The following TRDN variants were observed in gnomAD, a reference collection of about 807,000 sequenced individuals.
TRDN encodes the protein triadin.
A neutral mutation model predicts 149.7 loss-of-function variants in TRDN; 161 were observed. The ratio of observed to expected loss-of-function variants is 1.08; its 90% CI spans 0.95 to 1.23. The LOEUF is 1.23. Among genes scored for constraint, TRDN ranks in the 50% most tolerant of loss-of-function variants. The pLI is 0.00. For synonymous variants in TRDN, 294 were observed against 250.5 expected (o/e 1.17, Z -1.64); for missense variants, 896 against 823.5 (o/e 1.09, Z -1.08).
Position 123,216,585 on chromosome 6 carries a change from C to T in TRDN, c.*2016G>A, listed in dbSNP as rs1471396334. ...AAATAGTCAGAGGAAAAACTAGTGC[C>T]ATACCCAAAAGTATTACTTCAGAAA... is the stretch of plus-strand genomic sequence containing the variant. On this transcript the variant is annotated 3_prime_UTR_variant, in exon 41 of 41. Transcript: ENST00000334268. 1.3e-5 allele frequency: 2 copies of T among 151,668 alleles called. No homozygotes were observed. Among genetic ancestry groups the T allele is most frequent in the East Asian group, 1.9e-4 (1 of 5,160 alleles). The allele number at this position is 151,668 out of a possible 1,614,324, so 9.4% of individuals were successfully genotyped here. A position where few individuals can be genotyped will look rare whatever the true frequency, so the allele number is the denominator to read the frequency against.
At chr6:123,468,797 T>C (rs1776987193) in intron 9 of TRDN, 1 of 152,168 alleles carries the variant, frequency 6.6e-6, no homozygotes, top group Admixed American at 6.6e-5. Flanking sequence ...TACCATCTAA[T>C]AGAGATTTTA....
chr6:123,464,076 T>G (rs1776643024), intron 10 of TRDN, among the ~76,000 whole-genome samples: 1 of 152,196 alleles, frequency 6.6e-6, no homozygotes, highest in Non-Finnish European at 1.5e-5. Context: ...TGTAAAAAAT[T>G]AATGATTTAG....
At chr6:123,516,550 A>G (rs17689295) in intron 5 of TRDN, among the ~76,000 whole-genome samples, 5,714 of 152,204 alleles carry the variant, frequency 0.038, 148 homozygotes, top group Middle Eastern at 0.065. Context: ...TTGATATTGG[A>G]TGAATGCTTG....
At chr6:123,249,286 T>C (rs1255438013) in intron 38 of TRDN, among the ~76,000 whole-genome samples, 4 of 151,914 alleles carry the variant, frequency 2.6e-5, no homozygotes, top group African/African-American at 7.3e-5. Flanking sequence ...AAAAAAAATA[T>C]GTTGACGAGG....
At chr6:123,578,892 G>GT (rs1194233956) in intron 1 of TRDN, among the ~76,000 whole-genome samples, 8 of 151,958 alleles carry the variant, frequency 5.3e-5, no homozygotes, top group African/African-American at 1.2e-4. Context: ...CTCCTAGGTG[G>GT]TTTTTTCGTG....
chr6:123,548,493 C>A lies in TRDN; in HGVS notation c.352G>T (p.Asp118Tyr), dbSNP rs762075230. 2.0e-5 allele frequency: 32 copies of A among 1,576,828 alleles called. No individual in the cohort carries two copies. The highest frequency in any genetic ancestry group is 2.6e-5 in the Non-Finnish European group (30 of 1,161,370). ...TCGTCACCATCATCATCTTCTTCAT[C>A]TTCAGATGAGATGATGTCAGATAAC... The part of the protein sequence containing the change: ...SLLSDIISSE[D>Y]EEDDDGDEDT... The change falls in exon 3 of 41, where the codon GAT becomes TAT. Residue 118 changes from aspartate (D) to tyrosine (Y), a missense_variant. Coordinates refer to ENST00000334268, the MANE Select transcript of TRDN (RefSeq NM_006073.4).
chr6:123,330,092 T>C (rs1779605718), intron 23 of TRDN, among the ~76,000 whole-genome samples: 1 of 151,996 alleles, frequency 6.6e-6, no homozygotes, highest in South Asian at 2.1e-4. Flanking sequence ...AGAAGATTCT[T>C]TGAGAATATA....
Position 123,275,528 on chromosome 6 carries a change from AT to A in TRDN, c.1568-859del, listed in dbSNP as rs367758984. ...ACTTCCAAAATTGTGAGAGAGAAAA[AT>A]TTCTCCAGTTTTAAGCAACACAATT... On this transcript the variant is annotated intron_variant, in intron 26 of 40. Coordinates refer to ENST00000334268, the MANE Select transcript of TRDN (RefSeq NM_006073.4). Among the ~76,000 whole-genome samples the A allele has an allele frequency of 1.4e-4, 21 of 152,202 alleles. 1 individual carries two copies. The highest frequency in any genetic ancestry group is 5.1e-4 in the African/African-American group (21 of 41,536).
At chr6:123,376,655 A>C (rs1781518548) in intron 18 of TRDN, among the ~76,000 whole-genome samples, 1 of 152,174 alleles carries the variant, frequency 6.6e-6, no homozygotes, top group African/African-American at 2.4e-5. Context: ...GTAATTGGAC[A>C]GACACTTAAA....
chr6:123,343,933 G>T (rs1275504841), intron 21 of TRDN, among the ~76,000 whole-genome samples: 1 of 151,904 alleles, frequency 6.6e-6, no homozygotes, highest in Non-Finnish European at 1.5e-5. Context: ...TCATCAGCAT[G>T]GAACCCTCAT....
intron 21 of TRDN, among the ~76,000 whole-genome samples, chr6:123,343,534 C>T (rs1780141284): frequency 6.6e-6 from 1 of 151,530 alleles, no homozygotes; most frequent in South Asian, 2.1e-4. Flanking sequence ...TTAATATAAT[C>T]AAAATAAAGG....
Position 123,636,282 on chromosome 6 carries a change from A to G in TRDN, c.22+472T>C, listed in dbSNP as rs143645486. Among the ~76,000 whole-genome samples, 375 of 152,116 alleles carry G rather than the reference A, an allele frequency of 2.5e-3. 3 individuals are homozygous for G. Among genetic ancestry groups the G allele is most frequent in the African/African-American group, 7.3e-3 (304 of 41,556 alleles). Reference sequence around the variant, plus strand: ...TAGTAGGAAAGGAAAAACAAATTTAAGGTCTCCATTTAAAAATATCATAAA... The same window carrying G: ...TAGTAGGAAAGGAAAAACAAATTTAGGGTCTCCATTTAAAAATATCATAAA... On this transcript the variant is annotated intron_variant, in intron 1 of 40. Transcript: ENST00000334268.
At chr6:123,235,732 T>G (rs1328468438) in intron 38 of TRDN, among the ~76,000 whole-genome samples, 1 of 152,164 alleles carries the variant, frequency 6.6e-6, no homozygotes, top group East Asian at 1.9e-4. Context: ...ACTCCCCCTC[T>G]GTCCCTAACC....
intron 20 of TRDN, among the ~76,000 whole-genome samples, chr6:123,356,074 G>T (rs1780658375): frequency 6.6e-6 from 1 of 151,582 alleles, no homozygotes; most frequent in East Asian, 1.9e-4. Flanking sequence ...TGAATAACGT[G>T]TTTTATTTCT....
At chr6:123,246,378 C>A (rs1255860910) in intron 38 of TRDN, among the ~76,000 whole-genome samples, 1 of 151,854 alleles carries the variant, frequency 6.6e-6, no homozygotes, top group Non-Finnish European at 1.5e-5. Context: ...CAAATAGACA[C>A]AATAAAAAAT....
intron 21 of TRDN, chr6:123,349,874 A>G (rs1780389900): frequency 1.0e-6 from 1 of 985,396 alleles, no homozygotes. Flanking sequence ...AAAGCTTGCA[A>G]TAGCACTTGG....
rs1777984472 is a variant in TRDN, at chr6:123,290,839, A to ATT, written c.1511-11758_1511-11757insAA. Among the ~76,000 whole-genome samples the ATT allele has an allele frequency of 3.3e-5, 5 of 152,254 alleles. No homozygotes were observed. The South Asian group carries it at 1.0e-3, about 32-fold the overall frequency. Reference sequence around the variant, plus strand: ...GGGAACCAGTGAGTGAAAAAGAGAGATGTAAAGAATGTTATGGAAAGAAAA... The same window carrying ATT: ...GGGAACCAGTGAGTGAAAAAGAGAGATTTGTAAAGAATGTTATGGAAAGAAAA... On this transcript the variant is annotated intron_variant, in intron 24 of 40. Transcript: ENST00000334268.
At chr6:123,463,963 C>T (rs956552750) in intron 10 of TRDN, among the ~76,000 whole-genome samples, 3 of 152,062 alleles carry the variant, frequency 2.0e-5, no homozygotes, top group Non-Finnish European at 1.5e-5. Context: ...GCTGGAGTGT[C>T]CACATTGCAC....
At chr6:123,491,762 C>T (rs1057286708) in intron 9 of TRDN, among the ~76,000 whole-genome samples, 2 of 152,110 alleles carry the variant, frequency 1.3e-5, no homozygotes, top group African/African-American at 4.8e-5. Flanking sequence ...ATTCCCGAAA[C>T]TTTTGTTGTG....
Sources: allele counts gnomAD v4.1 joint callset (sites outside exome capture counted in the v4.1 genomes callset), GRCh38; gene constraint gnomAD v4.1.1; transcripts MANE v1.5; gene names NCBI Gene and HGNC (gene_info 2026-07-23, HGNC 2026-07-21).